The following RERE variants were observed in gnomAD, a reference collection of about 807,000 sequenced individuals.
RERE encodes the protein arginine-glutamic acid dipeptide repeats protein.
A neutral mutation model predicts 146.1 loss-of-function variants in RERE; 40 were observed. That is an observed-to-expected ratio of 0.27 (90% CI 0.21 to 0.36). The LOEUF (loss-of-function observed/expected upper bound fraction) is 0.36. RERE is among the 10% of genes least tolerant of loss of function. The pLI is 1.00. For missense variants in RERE, 1,933 were observed against 2,138.7 expected (o/e 0.90, Z 1.90); for synonymous variants, 1,003 against 866.0 (o/e 1.16, Z -2.78).
intron 12 of RERE, among the ~76,000 whole-genome samples, chr1:8,370,050 A>G (rs1178728609): frequency 1.3e-5 from 2 of 152,050 alleles, no homozygotes; most frequent in South Asian, 4.2e-4. Flanking sequence ...TCGGCCTCCC[A>G]AAGTGCTGGG....
intron 7 of RERE, among the ~76,000 whole-genome samples, chr1:8,521,857 T>A (rs1456621218): frequency 1.3e-5 from 2 of 152,138 alleles, no homozygotes; most frequent in African/African-American, 2.4e-5. Context: ...GGTACTCTAC[T>A]AGAAATGGAG....
intron 12 of RERE, among the ~76,000 whole-genome samples, chr1:8,369,373 T>C (rs547891419): frequency 2.6e-5 from 4 of 152,100 alleles, no homozygotes; most frequent in Admixed American, 6.5e-5. Flanking sequence ...AATCTAACAT[T>C]GAAATCAACA....
intron 10 of RERE, among the ~76,000 whole-genome samples, chr1:8,480,117 A>G (rs1644811446): frequency 6.9e-6 from 1 of 144,444 alleles, no homozygotes; most frequent in Non-Finnish European, 1.5e-5. Flanking sequence ...ATTTTATTAA[A>G]GCCTTTTTTT....
At chr1:8,692,106 T>C (rs1639219432) in intron 1 of RERE, among the ~76,000 whole-genome samples, 1 of 152,196 alleles carries the variant, frequency 6.6e-6, no homozygotes, top group African/African-American at 2.4e-5. Context: ...TGGGTTTATT[T>C]CTAAAAACTG....
intron 2 of RERE, among the ~76,000 whole-genome samples, chr1:8,645,579 G>C (rs185256557): frequency 1.2e-3 from 177 of 152,266 alleles, no homozygotes; most frequent in Admixed American, 9.1e-4. Flanking sequence ...CATGGATTTT[G>C]ATTCAGCAGA....
At chr1:8,581,498 T>C (rs1419465595) in intron 4 of RERE, among the ~76,000 whole-genome samples, 1 of 152,248 alleles carries the variant, frequency 6.6e-6, no homozygotes, top group Non-Finnish European at 1.5e-5. Flanking sequence ...TAGTACTTTC[T>C]ATCCCCTCAT....
At chr1:8,504,802 A>G (rs905829753) in intron 8 of RERE, among the ~76,000 whole-genome samples, 4 of 152,074 alleles carry the variant, frequency 2.6e-5, no homozygotes, top group African/African-American at 9.7e-5. Flanking sequence ...GCAGTGAGAC[A>G]AGATTGTGCC....
chr1:8,493,386 A>G (rs1645003399), intron 10 of RERE, among the ~76,000 whole-genome samples: 1 of 152,234 alleles, frequency 6.6e-6, no homozygotes. Context: ...ACAAACACAC[A>G]ATATTTATGA....
At chr1:8,724,106 G>C (rs974128367) in intron 1 of RERE, among the ~76,000 whole-genome samples, 2 of 152,022 alleles carry the variant, frequency 1.3e-5, no homozygotes, top group African/African-American at 4.8e-5. Flanking sequence ...TCTATCCCTA[G>C]AAAGTCACTA....
chr1:8,681,754 A>G (rs920200212), intron 1 of RERE, among the ~76,000 whole-genome samples: 2 of 152,230 alleles, frequency 1.3e-5, no homozygotes, highest in African/African-American at 4.8e-5. Context: ...GTACTAACGC[A>G]ATCACCACAG....
chr1:8,641,341 A>G (rs1188447511), intron 2 of RERE, among the ~76,000 whole-genome samples: 2 of 152,236 alleles, frequency 1.3e-5, no homozygotes, highest in African/African-American at 4.8e-5. Context: ...ACTACAAAGT[A>G]AGGCATCTAT....
chr1:8,539,430 G>C (rs1305587158), intron 7 of RERE, among the ~76,000 whole-genome samples: 2 of 151,496 alleles, frequency 1.3e-5, no homozygotes, highest in Non-Finnish European at 2.9e-5. Context: ...TCTCGAGATG[G>C]AGTCTTGCTC....
At chr1:8,712,573 T>C (rs895924056) in intron 1 of RERE, among the ~76,000 whole-genome samples, 11 of 152,206 alleles carry the variant, frequency 7.2e-5, no homozygotes, top group African/African-American at 2.7e-4. Context: ...CTCTCCAGAA[T>C]AGGGCAGGTC....
chr1:8,668,960 GTGT>G (rs1638644341), intron 1 of RERE, among the ~76,000 whole-genome samples: 1 of 52,958 alleles, frequency 1.9e-5, no homozygotes, highest in African/African-American at 7.8e-5. Flanking sequence ...GTGTGTGTGT[GTGT>G]TGTGTTTTTA....
chr1:8,804,588 T>G (rs1301905294), intron 1 of RERE, among the ~76,000 whole-genome samples: 1 of 152,202 alleles, frequency 6.6e-6, no homozygotes, highest in Non-Finnish European at 1.5e-5. Context: ...CAGTTATGTG[T>G]GACCTTGTGA....
intron 4 of RERE, among the ~76,000 whole-genome samples, chr1:8,567,422 T>C (rs1037983359): frequency 5.3e-5 from 8 of 152,236 alleles, no homozygotes; most frequent in Non-Finnish European, 1.2e-4. Context: ...AAAGATGATG[T>C]AACTATGAAT....
chr1:8,697,700 CTT>C (rs1039199893), intron 1 of RERE, among the ~76,000 whole-genome samples: 4 of 152,218 alleles, frequency 2.6e-5, no homozygotes, highest in African/African-American at 9.6e-5. Context: ...CCACACACAA[CTT>C]TCTAAAGTTC....
At chr1:8,565,108 A>T (rs1175606639) in intron 4 of RERE, among the ~76,000 whole-genome samples, 1 of 152,074 alleles carries the variant, frequency 6.6e-6, no homozygotes, top group African/African-American at 2.4e-5. Flanking sequence ...AAGGGTACAA[A>T]ATCTCAGTAA....
At chr1:8,493,484 T>C (rs1037221617) in intron 10 of RERE, among the ~76,000 whole-genome samples, 1 of 152,126 alleles carries the variant, frequency 6.6e-6, no homozygotes, top group Non-Finnish European at 1.5e-5. Flanking sequence ...GAAACCTAAT[T>C]ATACTAGGAA....
Sources: gnomAD v4.1 joint callset for allele counts (sites outside exome capture counted in the v4.1 genomes callset) on GRCh38, gnomAD v4.1.1 for gene constraint, MANE v1.5 for transcripts, NCBI Gene and HGNC (gene_info 2026-07-23, HGNC 2026-07-21) for gene names.